Variants in SUPT3H observed in about 807,000 individuals in gnomAD.
SUPT3H encodes the protein transcription initiation protein SPT3 homolog.
Under a neutral mutation model 44.3 loss-of-function variants are expected in SUPT3H, and 44 were observed. The ratio of observed to expected loss-of-function variants is 0.99; its 90% CI spans 0.78 to 1.28. The LOEUF (loss-of-function observed/expected upper bound fraction) is 1.28, where lower values mean the gene tolerates loss of function less well. Among genes scored for constraint, SUPT3H ranks in the 50% most tolerant of loss-of-function variants. SUPT3H has a pLI of 0.00. For missense variants in SUPT3H, 380 were observed against 387.1 expected, an observed-to-expected ratio of 0.98 and a Z score of 0.15; for synonymous variants, 124 against 125.6, an observed-to-expected ratio of 0.99 and a Z score of 0.09.
intron 10 of SUPT3H, among the ~76,000 whole-genome samples, chr6:44,870,288 A>T (rs766401757): frequency 1.3e-5 from 2 of 152,160 alleles, no homozygotes; most frequent in Non-Finnish European, 2.9e-5. Flanking sequence ...TTTCATCAGC[A>T]TAGTATGCTT....
chr6:45,182,172 G>C (rs1265876580), intron 2 of SUPT3H, among the ~76,000 whole-genome samples: 2 of 152,170 alleles, frequency 1.3e-5, no homozygotes, highest in Non-Finnish European at 2.9e-5. Flanking sequence ...GTTTAGTGTT[G>C]AGTATTCTGA....
chr6:45,376,292 T>C (rs1415043125), intron 1 of SUPT3H, among the ~76,000 whole-genome samples: 2 of 152,174 alleles, frequency 1.3e-5, no homozygotes, highest in Non-Finnish European at 2.9e-5. Flanking sequence ...CAATAAATGT[T>C]CCAAAGAGCT....
At chr6:45,060,885 A>G (rs904659868) in intron 3 of SUPT3H, among the ~76,000 whole-genome samples, 22 of 152,242 alleles carry the variant, frequency 1.4e-4, no homozygotes, top group African/African-American at 4.8e-4. Flanking sequence ...GTGTAAATCA[A>G]AACCACAATG....
chr6:45,105,873 T>C, intron 3 of SUPT3H, 49 bp downstream of exon 3: 2 of 1,431,624 alleles, frequency 1.4e-6, no homozygotes, highest in Admixed American at 1.8e-5. Context: ...ACCATCCTAA[T>C]AAAAGAATGC....
chr6:44,979,942 C>A (rs925815249), intron 6 of SUPT3H, among the ~76,000 whole-genome samples: 3 of 152,084 alleles, frequency 2.0e-5, no homozygotes, highest in Non-Finnish European at 4.4e-5. Flanking sequence ...TCTTGAAGTA[C>A]GTTCTTATCA....
chr6:44,991,227 C>T (rs1214768972), intron 6 of SUPT3H, among the ~76,000 whole-genome samples: 1 of 151,986 alleles, frequency 6.6e-6, no homozygotes, highest in Non-Finnish European at 1.5e-5. Context: ...TATTTCATGG[C>T]TATTAATTGT....
At chr6:45,014,524 C>A (rs1272370881) in intron 5 of SUPT3H, among the ~76,000 whole-genome samples, 1 of 152,096 alleles carries the variant, frequency 6.6e-6, no homozygotes, top group Non-Finnish European at 1.5e-5. Context: ...TCTAAGTCTG[C>A]ATTCACTATG....
At chr6:44,820,532 T>C (rs1767231113) in intron 11 of SUPT3H, among the ~76,000 whole-genome samples, 1 of 152,184 alleles carries the variant, frequency 6.6e-6, no homozygotes, top group South Asian at 2.1e-4. Context: ...AACATGGGTA[T>C]AGTGTTGCAA....
intron 10 of SUPT3H, among the ~76,000 whole-genome samples, chr6:44,901,927 T>C (rs1405310030): frequency 6.6e-6 from 1 of 152,114 alleles, no homozygotes; most frequent in Non-Finnish European, 1.5e-5. Flanking sequence ...CAAACTAAGC[T>C]TCAGAAGTGA....
rs781053502 is a variant in SUPT3H at position 45,130,460 on chromosome 6, T to G, written c.102-24454A>C. 9.1e-4 allele frequency among the ~76,000 whole-genome samples: 139 copies of G among 152,146 alleles called. 1 individual carries two copies. The highest frequency in any genetic ancestry group is 5.0e-4 in the Non-Finnish European group (34 of 67,996). The stretch of plus-strand genomic sequence containing the variant: ...CTTTGGATTGTTTTCCTCTTTTCAG[T>G]TACTATGAGCAATGCTGCTATGAAC... On this transcript the variant is annotated intron_variant, in intron 2 of 10. Coordinates refer to ENST00000371459, the MANE Select transcript of SUPT3H (RefSeq NM_003599.4).
At chr6:45,328,304 G>C (rs780715215) in intron 2 of SUPT3H, 6 of 1,367,550 alleles carry the variant, frequency 4.4e-6, no homozygotes, top group Middle Eastern at 2.1e-4. Context: ...TAAAGCTTTT[G>C]CTTTTTTGGA....
chr6:44,990,048 T>C (rs1440780243), intron 6 of SUPT3H, among the ~76,000 whole-genome samples: 2 of 152,162 alleles, frequency 1.3e-5, no homozygotes, highest in East Asian at 3.8e-4. Context: ...GAGCTTTTGG[T>C]GTGATATCCA....
intron 3 of SUPT3H, among the ~76,000 whole-genome samples, chr6:45,062,666 G>A (rs1792346307): frequency 6.6e-6 from 1 of 152,232 alleles, no homozygotes; most frequent in Non-Finnish European, 1.5e-5. Context: ...GAGGGGTCAG[G>A]AAGTTCCCTT....
At chr6:45,283,108 C>A (rs888358186) in intron 2 of SUPT3H, among the ~76,000 whole-genome samples, 1 of 152,182 alleles carries the variant, frequency 6.6e-6, no homozygotes, top group African/African-American at 2.4e-5. Flanking sequence ...AAAGGAACAA[C>A]CAGTACCAGC....
chr6:45,238,872 G>A (rs1769731051), intron 2 of SUPT3H, among the ~76,000 whole-genome samples: 1 of 151,990 alleles, frequency 6.6e-6, no homozygotes, highest in Admixed American at 6.6e-5. Context: ...TGACTTTGTG[G>A]GTATTCTCCA....
intron 10 of SUPT3H, among the ~76,000 whole-genome samples, chr6:44,883,770 A>T (rs1024535338): frequency 6.6e-6 from 1 of 152,214 alleles, no homozygotes; most frequent in African/African-American, 2.4e-5. Flanking sequence ...AGCAATGGGG[A>T]AAGGATTCCC....
chr6:44,900,701 T>G (rs772806544), intron 10 of SUPT3H, among the ~76,000 whole-genome samples: 5 of 152,138 alleles, frequency 3.3e-5, no homozygotes, highest in African/African-American at 1.2e-4. Flanking sequence ...CAGTTAGAGA[T>G]CTGAGAACCG....
intron 3 of SUPT3H, among the ~76,000 whole-genome samples, chr6:45,036,237 T>C (rs1787653192): frequency 6.6e-6 from 1 of 152,148 alleles, no homozygotes; most frequent in African/African-American, 2.4e-5. Flanking sequence ...GAGGGGAGTT[T>C]GTGGATTACT....
intron 3 of SUPT3H, among the ~76,000 whole-genome samples, chr6:45,062,420 G>T (rs576740173): frequency 1.3e-5 from 2 of 151,900 alleles, no homozygotes; most frequent in Admixed American, 6.5e-5. Flanking sequence ...CATCAAAGCG[G>T]ATCAGCCTTC....
Sources: gnomAD v4.1 joint callset for allele counts (sites outside exome capture counted in the v4.1 genomes callset) on GRCh38, gnomAD v4.1.1 for gene constraint, MANE v1.5 for transcripts, NCBI Gene and HGNC (gene_info 2026-07-23, HGNC 2026-07-21) for gene names.